Variants in GBF1 observed in about 807,000 individuals in gnomAD.
GBF1 encodes the protein golgi brefeldin A resistant guanine nucleotide exchange factor 1, also known as Golgi-specific brefeldin A-resistance guanine nucleotide exchange factor 1.
In GBF1, 114 loss-of-function variants were observed where a neutral mutation model predicts 210.5. That is an observed-to-expected ratio of 0.54 (90% CI 0.47 to 0.63). The LOEUF is 0.63. GBF1 is among the 30% of genes least tolerant of loss of function. The pLI is 0.00. For missense variants in GBF1, 1,851 were observed against 2,357.7 expected, an observed-to-expected ratio of 0.79 and a Z score of 4.45; for synonymous variants, 850 against 889.2, an observed-to-expected ratio of 0.96 and a Z score of 0.78.
At chr10:102,298,081 C>T (rs2077052258) in intron 3 of GBF1, among the ~76,000 whole-genome samples, 1 of 151,888 alleles carries the variant, frequency 6.6e-6, no homozygotes. Context: ...ATTACAGGCG[C>T]CCACCACCAC....
rs927682353 is a variant in GBF1, at chr10:102,382,627, G to C, written c.*291G>C. The C allele has an allele frequency of 6.1e-5, 23 of 380,144 alleles. No homozygotes were observed. The highest frequency in any genetic ancestry group is 9.4e-5 in the Non-Finnish European group (20 of 211,696). 23.5% of individuals were successfully genotyped at this position (380,144 alleles called of 1,614,324 possible). A position where few individuals can be genotyped will look rare whatever the true frequency, so the allele number is the denominator to read the frequency against. ...CCGGCAGCTCTGGGGAGGCATCCGTGTGCCGGCCCTGCAGTGCCTGCCCAC... is the reference window on the plus strand; with the variant it reads ...CCGGCAGCTCTGGGGAGGCATCCGTCTGCCGGCCCTGCAGTGCCTGCCCAC... On this transcript the variant is annotated 3_prime_UTR_variant, in exon 40 of 40. Coordinates refer to ENST00000369983, the MANE Select transcript of GBF1 (RefSeq NM_001377137.1).
At chr10:102,232,161 G>C in the GBF1 span, 3 of 854,286 alleles carry the variant, frequency 3.5e-6, no homozygotes, top group Admixed American at 2.0e-5. Flanking sequence ...GGTCCCAGCA[G>C]CGTTTCCTCG....
chr10:102,366,129 C>T lies in GBF1; in HGVS notation c.2310-254C>T, dbSNP rs775058948. ...AACGAGATAGTTTGGGGAGCCCCCT[C>T]CATTCTGCATGGAGTCCATTCCAAA... On this transcript the variant is annotated intron_variant, in intron 18 of 39. Transcript: ENST00000369983. This position sits in a 1 kb window ranked among gnomAD's most constrained non-coding sequence, Gnocchi z 4.0. 1.4e-4 allele frequency among the ~76,000 whole-genome samples: 21 copies of T among 152,174 alleles called. No homozygotes were observed. Among genetic ancestry groups the T allele is most frequent in the Admixed American group, 2.6e-4 (4 of 15,274 alleles).
At chr10:102,282,052 G>T (rs544693863) in intron 3 of GBF1, among the ~76,000 whole-genome samples, 66 of 149,292 alleles carry the variant, frequency 4.4e-4, no homozygotes, top group African/African-American at 1.6e-3. Context: ...TCAGCCTCCT[G>T]AGTAGCTGGG....
In GBF1 at chr10:102,363,522, C is replaced by G. The variant is rs2059730780; in HGVS notation, c.2017+126C>G. On this transcript the variant is annotated intron_variant, in intron 16 of 39. Transcript: ENST00000369983. The surrounding 1 kb of genome is among the most constrained non-coding windows in gnomAD (Gnocchi z 4.2). Reference sequence around the variant, plus strand: ...TGGTAGCCCGCCTCGCCTTCAGACTCAGAGAGAGGGAAGCAAACATATGGA... The same window carrying G: ...TGGTAGCCCGCCTCGCCTTCAGACTGAGAGAGAGGGAAGCAAACATATGGA... 4 of 962,880 alleles carry G rather than the reference C, an allele frequency of 4.2e-6. No individual in the cohort carries two copies. Among genetic ancestry groups the G allele is most frequent in the Admixed American group, 4.5e-5 (2 of 44,212 alleles). The allele number at this position is 962,880 out of a possible 1,614,324, so 59.6% of individuals were successfully genotyped here.
intron 3 of GBF1, among the ~76,000 whole-genome samples, chr10:102,276,497 G>T (rs2074984389): frequency 1.4e-5 from 2 of 145,552 alleles, no homozygotes; most frequent in East Asian, 2.0e-4. Flanking sequence ...CTGCACTCCA[G>T]CCTGGGCGAC....
In GBF1 at chr10:102,319,532, C is replaced by T. The variant is rs552711381; in HGVS notation, c.164-24519C>T. 7.2e-4 allele frequency among the ~76,000 whole-genome samples: 110 copies of T among 152,176 alleles called. 1 individual carries two copies. The South Asian group carries it at 0.017, about 24-fold the overall frequency. On this transcript the variant is annotated intron_variant, in intron 3 of 39. Coordinates refer to ENST00000369983, the MANE Select transcript of GBF1 (RefSeq NM_001377137.1). Reference sequence around the variant, plus strand: ...TTTTTCCACGTGGTCAAACACACAGCTCTTCTCTTCCATTTTTATCTCTTC... The same window carrying T: ...TTTTTCCACGTGGTCAAACACACAGTTCTTCTCTTCCATTTTTATCTCTTC...
At position 102,382,707 on chromosome 10, in the gene GBF1, T is replaced by C. The variant is rs376385757; in HGVS notation, c.*371T>C. On this transcript the variant is annotated 3_prime_UTR_variant, in exon 40 of 40. Coordinates refer to ENST00000369983, the MANE Select transcript of GBF1 (RefSeq NM_001377137.1). Reference sequence around the variant, plus strand: ...CTCTGCACTTTGTTTCCCACTCCCATTAGCCCTGGGCCACCTCCTCCAGTT... The same window carrying C: ...CTCTGCACTTTGTTTCCCACTCCCACTAGCCCTGGGCCACCTCCTCCAGTT... The C allele has an allele frequency of 9.6e-6, 2 of 207,640 alleles. No homozygotes were observed. Among genetic ancestry groups the C allele is most frequent in the Non-Finnish European group, 1.9e-5 (2 of 104,056 alleles). 12.9% of individuals were successfully genotyped at this position (207,640 alleles called of 1,614,324 possible).
intron 18 of GBF1, 78 bp downstream of exon 18, chr10:102,365,677 G>A: frequency 2.5e-6 from 3 of 1,212,928 alleles, no homozygotes; most frequent in Non-Finnish European, 1.2e-6. Flanking sequence ...TTGGGAGGCT[G>A]AGGCAGGCAG....
the GBF1 span, chr10:102,232,069 G>A: frequency 6.3e-7 from 1 of 1,598,214 alleles, no homozygotes. Context: ...CGCTGAGCAG[G>A]CCGAACTCCA....
chr10:102,264,103 T>G (rs2073575651), intron 3 of GBF1, among the ~76,000 whole-genome samples: 1 of 152,214 alleles, frequency 6.6e-6, no homozygotes, highest in Admixed American at 6.5e-5. Flanking sequence ...ACTTTGTGAG[T>G]ATACAAGAAA....
chr10:102,295,728 C>T (rs1256340062), intron 3 of GBF1, among the ~76,000 whole-genome samples: 4 of 151,814 alleles, frequency 2.6e-5, no homozygotes, highest in Admixed American at 6.6e-5. Flanking sequence ...TTTTAAAAGA[C>T]TTATGTGGGT....
intron 3 of GBF1, among the ~76,000 whole-genome samples, chr10:102,294,715 T>C (rs778986577): frequency 1.4e-4 from 21 of 152,142 alleles, no homozygotes; most frequent in Non-Finnish European, 2.4e-4. Context: ...CTGTACTTTT[T>C]CTGTGTTTAG....
At chr10:102,362,707 T>A in intron 15 of GBF1, 43 bp downstream of exon 15, 1 of 1,468,156 alleles carries the variant, frequency 6.8e-7, no homozygotes, top group Non-Finnish European at 9.5e-7. Context: ...TGTTCTATGC[T>A]TATCCCTTCT....
intron 3 of GBF1, among the ~76,000 whole-genome samples, chr10:102,327,354 C>G (rs938773832): frequency 6.6e-6 from 1 of 152,150 alleles, no homozygotes; most frequent in Non-Finnish European, 1.5e-5. Flanking sequence ...AGAACTGTTT[C>G]TTTTAAAGTT....
intron 3 of GBF1, among the ~76,000 whole-genome samples, chr10:102,280,698 A>G (rs565186364): frequency 6.6e-6 from 1 of 152,306 alleles, no homozygotes; most frequent in African/African-American, 2.4e-5. Context: ...TTTACTCTGA[A>G]GGCTAGCAAT....
intron 38 of GBF1, 102 bp downstream of exon 38, chr10:102,380,788 A>G: frequency 5.1e-6 from 5 of 978,564 alleles, no homozygotes; most frequent in Non-Finnish European, 7.6e-6. Flanking sequence ...TGGGTGGATC[A>G]CCCGAGGGCA....
Position 102,370,756 on chromosome 10 carries a change from C to T in GBF1, c.3556C>T (p.Leu1186Phe). ...GACTGTTCGAGACCATCTATACCAC[C>T]TCTGTGTTCAGGCACAAGATTTCTG... ...WQTVRDHLYHLCVQAQDFCFL... is the reference protein window; with the variant it reads ...WQTVRDHLYHFCVQAQDFCFL... The change falls in exon 29 of 40, where the codon CTC becomes TTC. Residue 1186 changes from leucine (L) to phenylalanine (F), a missense_variant. Leu to Phe is a conservative substitution (Grantham distance 22). Around this residue, in one of 3 missense-constraint regions of GBF1, gnomAD observed 967 missense variants for 1,247.7 expected, o/e 0.78. Coordinates refer to ENST00000369983, the MANE Select transcript of GBF1 (RefSeq NM_001377137.1). 1 of 1,614,044 alleles carries T rather than the reference C, an allele frequency of 6.2e-7. No homozygotes were observed. Among genetic ancestry groups the T allele is most frequent in the South Asian group, 1.1e-5 (1 of 91,076 alleles).
Position 102,368,797 on chromosome 10 carries a change from ATC to A in GBF1, c.2944_2945del (p.Leu982MetfsTer9). 1 of 1,613,064 alleles carries A rather than the reference ATC, an allele frequency of 6.2e-7. No homozygotes were observed. The highest frequency in any genetic ancestry group is 8.5e-7 in the Non-Finnish European group (1 of 1,179,076). On this transcript the variant is annotated frameshift_variant, in exon 23 of 40. Transcript: ENST00000369983. LOFTEE classifies it high-confidence loss of function. Reference protein sequence around the residue: ...GLSDVFDNLIISLCKFTALSS... With the variant: ...GLSDVFDNLIXSLCKFTALSS... ...CAGCGATGTGTTTGACAATCTCATC[ATC>A]TCTCTATGCAAATTCACAGCTCTCA...
Sources: allele counts gnomAD v4.1 joint callset (sites outside exome capture counted in the v4.1 genomes callset), GRCh38; gene constraint gnomAD v4.1.1; regional missense constraint gnomAD v4.1.1; non-coding constraint Gnocchi (gnomAD v3.1); transcripts MANE v1.5; gene names NCBI Gene and HGNC (gene_info 2026-07-23, HGNC 2026-07-21).